Variants in DIAPH2 observed in about 807,000 individuals in gnomAD.
DIAPH2 encodes the protein diaphanous related formin 2.
DIAPH2 carries 35 observed loss-of-function variants against 92.7 expected under a neutral mutation model. The observed-to-expected ratio is 0.38, with a 90% CI of 0.29 to 0.50. The LOEUF (loss-of-function observed/expected upper bound fraction) is 0.50. Ranked by LOEUF, DIAPH2 falls within the 20% of genes least tolerant of loss-of-function variation. The pLI is 0.94. For synonymous variants in DIAPH2, 301 were observed against 280.4 expected, an observed-to-expected ratio of 1.07 and a Z score of -0.73; for missense variants, 701 against 819.5, an observed-to-expected ratio of 0.86 and a Z score of 1.77.
intron 26 of DIAPH2, chrX:97,469,970 A>G (rs759287457): frequency 2.1e-6 from 1 of 467,361 alleles, no homozygotes; most frequent in East Asian, 4.4e-5. Context: ...ACTTGGGAAG[A>G]AAACAGATAT....
At chrX:97,541,312 T>G (rs1300388904) in intron 26 of DIAPH2, among the ~76,000 whole-genome samples, 2 of 111,710 alleles carry the variant, frequency 1.8e-5, no homozygotes, top group African/African-American at 6.5e-5. Flanking sequence ...GCATTTGCAT[T>G]TAGCACTTTT....
intron 23 of DIAPH2, among the ~76,000 whole-genome samples, chrX:97,253,892 A>C (rs1202645767): frequency 1.8e-5 from 2 of 112,537 alleles, no homozygotes; most frequent in Non-Finnish European, 3.7e-5. Context: ...AGACCTTACT[A>C]TACAACGAGG....
At chrX:96,977,836 A>G (rs969883951) in intron 17 of DIAPH2, among the ~76,000 whole-genome samples, 3 of 111,167 alleles carry the variant, frequency 2.7e-5, no homozygotes, top group African/African-American at 9.8e-5. Context: ...GGTGCACACC[A>G]CCATGCCTGG....
chrX:97,300,091 GACAA>G (rs1206544669), intron 23 of DIAPH2, among the ~76,000 whole-genome samples: 1 of 112,263 alleles, frequency 8.9e-6, no homozygotes, highest in Non-Finnish European at 1.9e-5. Flanking sequence ...TTGTAAGACT[GACAA>G]ACATTGGATT....
chrX:96,889,611 A>G (rs999112066), intron 5 of DIAPH2, among the ~76,000 whole-genome samples: 8 of 111,991 alleles, frequency 7.1e-5, no homozygotes, highest in African/African-American at 1.9e-4. Flanking sequence ...CCTTGTCCAT[A>G]TGGGGCTTAT....
chrX:97,060,642 A>G (rs1302522432), intron 17 of DIAPH2, among the ~76,000 whole-genome samples: 1 of 111,756 alleles, frequency 8.9e-6, no homozygotes, highest in East Asian at 2.8e-4. Flanking sequence ...TAAACAGTAT[A>G]GGACCCTCTA....
chrX:97,440,594 CAAA>C (rs775916074), intron 26 of DIAPH2, among the ~76,000 whole-genome samples: 1 of 39,412 alleles, frequency 2.5e-5, no homozygotes, highest in Non-Finnish European at 4.9e-5. Context: ...CTTCGTCTCA[CAAA>C]AAAAAAAAAA....
intron 26 of DIAPH2, among the ~76,000 whole-genome samples, chrX:97,461,756 T>C (rs1337479591): frequency 8.9e-6 from 1 of 111,755 alleles, no homozygotes; most frequent in Admixed American, 9.6e-5. Flanking sequence ...TCAAGAGCCG[T>C]TTCCTTGGAG....
chrX:97,597,117 G>C (rs2071557502), intron 26 of DIAPH2, among the ~76,000 whole-genome samples: 1 of 111,628 alleles, frequency 9.0e-6, no homozygotes, highest in African/African-American at 3.3e-5. Context: ...TTACAGAATT[G>C]CTTCTTATAA....
chrX:96,811,142 A>C (rs2064676767), intron 4 of DIAPH2, among the ~76,000 whole-genome samples: 1 of 111,758 alleles, frequency 8.9e-6, no homozygotes, highest in Admixed American at 9.5e-5. Flanking sequence ...GATTCTTCCT[A>C]TCCATGAGCA....
At chrX:97,334,457 C>T (rs1251412550) in intron 23 of DIAPH2, among the ~76,000 whole-genome samples, 2 of 8,702 alleles carry the variant, frequency 2.3e-4, no homozygotes, top group African/African-American at 9.1e-4. Context: ...AGCAAGACTC[C>T]GTCTCAAAAA....
chrX:97,029,691 CCTGCACCATTTG>C (rs1394205433), intron 17 of DIAPH2, among the ~76,000 whole-genome samples: 3 of 110,940 alleles, frequency 2.7e-5, no homozygotes, highest in Non-Finnish European at 5.7e-5. Flanking sequence ...ATCCAGCATC[CCTGCACCATTTG>C]TTGAGTCTAT....
chrX:97,331,253 A>T (rs761222088), intron 23 of DIAPH2, among the ~76,000 whole-genome samples: 1 of 112,146 alleles, frequency 8.9e-6, no homozygotes, highest in African/African-American at 3.2e-5. Context: ...TGTTCTTTGG[A>T]AGTAATGCCA....
chrX:97,004,858 G>A (rs908947086), intron 17 of DIAPH2, among the ~76,000 whole-genome samples: 3 of 111,742 alleles, frequency 2.7e-5, no homozygotes, highest in Admixed American at 1.9e-4. Flanking sequence ...TGGTGAAAGC[G>A]GGCATCCTAG....
At chrX:96,970,557 C>T (rs1401412457) in intron 17 of DIAPH2, among the ~76,000 whole-genome samples, 5 of 110,885 alleles carry the variant, frequency 4.5e-5, no homozygotes, top group African/African-American at 1.6e-4. Context: ...CTCTGAGGAT[C>T]TTTTGTTTTT....
chrX:97,213,533 A>G (rs1389564548), intron 22 of DIAPH2, among the ~76,000 whole-genome samples: 2 of 111,897 alleles, frequency 1.8e-5, no homozygotes, highest in Non-Finnish European at 1.9e-5. Flanking sequence ...ATACTATTAT[A>G]TGTCATGTTT....
intron 20 of DIAPH2, among the ~76,000 whole-genome samples, chrX:97,106,577 A>G (rs1020364397): frequency 2.7e-5 from 3 of 111,941 alleles, no homozygotes; most frequent in East Asian, 5.6e-4. Context: ...TTTAAAAATC[A>G]AAAGTTAACC....
chrX:97,240,605 C>CAAAA (rs774748522), intron 22 of DIAPH2, among the ~76,000 whole-genome samples: 5 of 67,991 alleles, frequency 7.4e-5, no homozygotes, highest in African/African-American at 2.9e-4. Context: ...GACTGCATCT[C>CAAAA]AAAAAAAAAA....
chrX:97,398,460 A>G (rs1056330521), intron 25 of DIAPH2, among the ~76,000 whole-genome samples: 1 of 111,339 alleles, frequency 9.0e-6, no homozygotes. Context: ...TGTTGAAAGT[A>G]TCTATTTTCA....
Sources: gnomAD v4.1 joint callset for allele counts (sites outside exome capture counted in the v4.1 genomes callset) on GRCh38, gnomAD v4.1.1 for gene constraint, MANE v1.5 for transcripts, NCBI Gene and HGNC (gene_info 2026-07-23, HGNC 2026-07-21) for gene names.